OBI1: variants seen among roughly 807,000 people sequenced by gnomAD.
OBI1 encodes ORC ubiquitin ligase 1.
In OBI1, 59 loss-of-function variants were observed where a neutral mutation model predicts 62.4. The ratio of observed to expected loss-of-function variants is 0.95; its 90% confidence interval spans 0.77 to 1.17. The LOEUF (loss-of-function observed/expected upper bound fraction) is 1.17. Among genes scored for constraint, OBI1 ranks in the 50% most tolerant of loss-of-function variants. The pLI is 0.00. For synonymous variants in OBI1, 302 were observed against 292.8 expected, an observed-to-expected ratio of 1.03 and a Z score of -0.32; for missense variants, 875 against 830.9, an observed-to-expected ratio of 1.05 and a Z score of -0.65.
At chr13:78,635,306 T>G in intron 4 of OBI1, 108 bp from the exon 5 acceptor site, 1 of 661,990 alleles carries the variant, frequency 1.5e-6, no homozygotes, top group Middle Eastern at 4.1e-4. Flanking sequence ...ATCAGAAAAC[T>G]GAATAGTAGA....
rs1431596168 is a variant in OBI1 at position 78,635,173 on chromosome 13, T to C, written c.575A>G (p.Asn192Ser). 4.2e-5 allele frequency: 68 copies of C among 1,608,100 alleles called. No homozygotes were observed. Among genetic ancestry groups the C allele is most frequent in the Non-Finnish European group, 5.6e-5 (66 of 1,176,038 alleles). ...TAAATTCTCCCTCACCAGACCACCATTTTCCAATTTCAATTTTTTATTTGC... is the reference window on the plus strand; with the variant it reads ...TAAATTCTCCCTCACCAGACCACCACTTTCCAATTTCAATTTTTTATTTGC... Reference protein sequence around the residue: ...KEANKKLKLENGGLVRENLRL... With the variant: ...KEANKKLKLESGGLVRENLRL... Residue 192 changes from asparagine (N) to serine (S), a missense_variant, in exon 5 of 6, where the codon AAT (asparagine) becomes AGT (serine). Physicochemically the swap from Asn to Ser is conservative, Grantham distance 46. Coordinates refer to ENST00000282003, the MANE Select transcript of OBI1 (RefSeq NM_024546.4).
At chr13:78,658,547 A>T (rs1193060008) in intron 1 of OBI1, among the ~76,000 whole-genome samples, 1 of 152,232 alleles carries the variant, frequency 6.6e-6, no homozygotes, top group Non-Finnish European at 1.5e-5. Flanking sequence ...CCTCAAGGCC[A>T]GGATAAAGGC....
chr13:78,616,274 G>C lies in OBI1; in HGVS notation c.1487C>G (p.Ser496Cys). 1.9e-6 allele frequency: 3 copies of C among 1,613,812 alleles called. No homozygotes were observed. The highest frequency in any genetic ancestry group is 2.5e-6 in the Non-Finnish European group (3 of 1,179,806). Residue 496 changes from serine to cysteine, a missense_variant, in exon 6 of 6, where the codon TCT becomes TGT. Ser to Cys is a moderately radical substitution (Grantham distance 112). Coordinates refer to ENST00000282003, the MANE Select transcript of OBI1 (RefSeq NM_024546.4). Reference protein sequence around the residue: ...NTIANSVGEISSKLSEKSGLC... With the variant: ...NTIANSVGEICSKLSEKSGLC... ...GCCTGATTTCTCACTCAATTTTGAA[G>C]ATATTTCTCCAACAGAATTTGCTAT...
chr13:78,620,408 G>A (rs555152560), intron 5 of OBI1, among the ~76,000 whole-genome samples: 1 of 152,280 alleles, frequency 6.6e-6, no homozygotes, highest in East Asian at 1.9e-4. Context: ...ATTTCAAAAT[G>A]GAGTATTTTT....
At chr13:78,648,279 A>AAC (rs3064402) in intron 1 of OBI1, among the ~76,000 whole-genome samples, 21,608 of 146,616 alleles carry the variant, frequency 0.15, 1,694 homozygotes, top group East Asian at 0.2. Context: ...ACTTCCCCCA[A>AAC]ACACACACAC....
chr13:78,616,662 C>G lies in OBI1; in HGVS notation c.1099G>C (p.Glu367Gln), dbSNP rs756081922. 6.2e-7 allele frequency: 1 copy of G among 1,614,114 alleles called. No homozygotes were observed. Among genetic ancestry groups the G allele is most frequent in the Non-Finnish European group, 8.5e-7 (1 of 1,179,996 alleles). The change falls in exon 6 of 6, where the codon GAA becomes CAA. Residue 367 changes from glutamate (E) to glutamine (Q), a missense_variant. Glu to Gln is a conservative substitution (Grantham distance 29, BLOSUM62 2). Coordinates refer to ENST00000282003, the MANE Select transcript of OBI1 (RefSeq NM_024546.4). ...CAGTCACTTGGTTTATTCCCCCATT[C>G]TCTTTCCAAATAAGTATCCATACTT... ...DTSMDTYLER[E>Q]WGNKPSDCVP...
intron 1 of OBI1, among the ~76,000 whole-genome samples, chr13:78,646,328 T>C (rs1350926594): frequency 6.6e-6 from 1 of 152,220 alleles, no homozygotes; most frequent in East Asian, 1.9e-4. Context: ...AGAAGATAGC[T>C]TGGTACTTAG....
At chr13:78,638,688 T>G in intron 4 of OBI1, 135 bp downstream of exon 4, 1 of 785,608 alleles carries the variant, frequency 1.3e-6, no homozygotes, top group South Asian at 1.9e-5. Context: ...TTATTGCATA[T>G]AAATGCTCAT....
At chr13:78,656,910 G>C (rs1302393624) in intron 1 of OBI1, among the ~76,000 whole-genome samples, 1 of 144,102 alleles carries the variant, frequency 6.9e-6, no homozygotes, top group Non-Finnish European at 1.5e-5. Flanking sequence ...CAATTCTCCT[G>C]CCTCAACTGG....
chr13:78,655,732 G>A (rs73232906), intron 1 of OBI1, among the ~76,000 whole-genome samples: 12,238 of 152,244 alleles, frequency 0.08, 961 homozygotes, highest in African/African-American at 0.2. Flanking sequence ...CTGACTGTGA[G>A]ATCTGGGGAC....
chr13:78,626,862 C>A (rs902118941), intron 5 of OBI1, among the ~76,000 whole-genome samples: 1 of 152,132 alleles, frequency 6.6e-6, no homozygotes, highest in African/African-American at 2.4e-5. Flanking sequence ...GTCAGGAGAT[C>A]GAGACCATCC....
intron 5 of OBI1, among the ~76,000 whole-genome samples, chr13:78,619,190 AG>A (rs1875425701): frequency 6.6e-6 from 1 of 152,082 alleles, no homozygotes; most frequent in African/African-American, 2.4e-5. Flanking sequence ...GGGAACTTAG[AG>A]GCCTACACAC....
At chr13:78,642,731 A>T (rs1876255933) in intron 2 of OBI1, among the ~76,000 whole-genome samples, 3 of 152,180 alleles carry the variant, frequency 2.0e-5, no homozygotes, top group Admixed American at 6.5e-5. Flanking sequence ...AATGCAAACA[A>T]ACAAAATTAG....
intron 1 of OBI1, among the ~76,000 whole-genome samples, chr13:78,651,830 G>A (rs1593802018): frequency 6.6e-6 from 1 of 152,250 alleles, no homozygotes; most frequent in African/African-American, 2.4e-5. Flanking sequence ...AATAGGGTGA[G>A]TGTCCTTCTC....
chr13:78,640,720 A>C (rs1876187392), intron 3 of OBI1, among the ~76,000 whole-genome samples: 1 of 152,232 alleles, frequency 6.6e-6, no homozygotes, highest in East Asian at 1.9e-4. Flanking sequence ...GAATTGCTTG[A>C]ACCCAGGAGG....
intron 5 of OBI1, among the ~76,000 whole-genome samples, chr13:78,621,444 A>G (rs1338473779): frequency 6.6e-6 from 1 of 152,210 alleles, no homozygotes; most frequent in African/African-American, 2.4e-5. Flanking sequence ...TTTTCAGTTA[A>G]CATACAGACA....
chr13:78,635,918 A>G (rs1876015543), intron 4 of OBI1, among the ~76,000 whole-genome samples: 1 of 152,110 alleles, frequency 6.6e-6, no homozygotes, highest in Non-Finnish European at 1.5e-5. Context: ...ATGTGCCACC[A>G]TGCCCAGCTA....
intron 1 of OBI1, among the ~76,000 whole-genome samples, chr13:78,645,255 C>A (rs915454987): frequency 6.6e-6 from 1 of 152,042 alleles, no homozygotes; most frequent in Admixed American, 6.6e-5. Context: ...ACCTAAACCA[C>A]AGAATTCATG....
chr13:78,616,393 T>C lies in OBI1; in HGVS notation c.1368A>G (p.Ser456=). 3.1e-6 allele frequency: 5 copies of C among 1,613,190 alleles called. No homozygotes were observed. Among genetic ancestry groups the C allele is most frequent in the Non-Finnish European group, 4.2e-6 (5 of 1,179,558 alleles). ...DISRSENEKK[S]ECFSSPKTGF... is the part of the protein sequence containing the mutation. ...CTGTCTTTGGGGAAGAAAAACATTC[T>C]GATTTCTTTTCATTTTCACTTCTAC... is the stretch of plus-strand genomic sequence containing the variant. The change falls in exon 6 of 6, where the codon TCA becomes TCG. Residue 456 remains serine, a synonymous_variant. Transcript: ENST00000282003.
Sources: gnomAD v4.1 joint callset for allele counts (sites outside exome capture counted in the v4.1 genomes callset) on GRCh38, gnomAD v4.1.1 for gene constraint, MANE v1.5 for transcripts, NCBI Gene and HGNC (gene_info 2026-07-23, HGNC 2026-07-21) for gene names.